PKN3: variants seen among roughly 807,000 people sequenced by gnomAD.
PKN3 encodes serine/threonine-protein kinase N3.
In PKN3, 91 loss-of-function variants were observed where a neutral mutation model predicts 113.1. The ratio of observed to expected loss-of-function variants is 0.80; its 90% CI spans 0.68 to 0.96. The LOEUF (loss-of-function observed/expected upper bound fraction) is 0.96. PKN3 is among the 40% of genes least tolerant of loss of function. The probability of loss-of-function intolerance (pLI) is 0.00; values close to 1 mark genes in which losing one functional copy is unlikely to be tolerated. For missense variants in PKN3, 1,052 were observed against 1,202.2 expected (o/e 0.88, Z 1.85); for synonymous variants, 467 against 499.0 (o/e 0.94, Z 0.85).
intron 6 of PKN3, among the ~76,000 whole-genome samples, chr9:128,708,003 G>A (rs1396584704): frequency 4.0e-5 from 6 of 151,330 alleles, no homozygotes; most frequent in African/African-American, 9.7e-5. Context: ...CCCCGGAGGC[G>A]GAGGTTGCAG....
rs750356915 is a variant in PKN3 at position 128,715,367 on chromosome 9, A to G, written c.1717-2A>G. 6.2e-7 allele frequency: 1 copy of G among 1,613,706 alleles called. No individual in the cohort carries two copies. The highest frequency in any genetic ancestry group is 2.2e-5 in the East Asian group (1 of 44,874). On this transcript the variant is annotated splice_acceptor_variant, in intron 14 of 21. Transcript: ENST00000291906. LOFTEE classifies it high-confidence loss of function. The surrounding 1 kb of genome is among the most constrained non-coding windows in gnomAD (Gnocchi z 4.1). The stretch of plus-strand genomic sequence containing the variant: ...TGGAGCACAACCTCTCTCTGGCCCC[A>G]GGTCCTCCTGGTCCAGTTCAAGGGG...
At position 128,705,658 on chromosome 9, in the gene PKN3, G is replaced by C. The variant is rs993740045; in HGVS notation, c.266-76G>C. 5.8e-6 allele frequency: 9 copies of C among 1,540,240 alleles called. No individual in the cohort carries two copies. In the Admixed American group the frequency reaches 1.4e-4, roughly 24 times the overall value. The stretch of plus-strand genomic sequence containing the variant: ...CTCATTTCCTGCCTATAGATCAGTA[G>C]GGGAAGGAGGAAAGGCCACAGTGGG... On this transcript the variant is annotated intron_variant, in intron 2 of 21. Transcript: ENST00000291906.
rs1352344578 is a variant in PKN3, at chr9:128,714,058, G to A, written c.1249G>A (p.Asp417Asn). Residue 417 changes from aspartate (D) to asparagine (N), a missense_variant, in exon 10 of 22, where the codon GAT (aspartate) becomes AAT (asparagine). Asp to Asn is a conservative substitution (Grantham distance 23). This residue lies in a region of PKN3 where 719 missense variants were observed against 759.4 expected (regional missense o/e 0.95). Transcript: ENST00000291906. ...CCTACCCCTGCAGGTGACCTTCTGC[G>A]ATCCTGTCATTGAGAGGCGGCCCCG... is the stretch of plus-strand genomic sequence containing the variant. Reference protein sequence around the residue: ...GLLFAQVTFCDPVIERRPRLQ... With the variant: ...GLLFAQVTFCNPVIERRPRLQ... The A allele has an allele frequency of 6.2e-6, 10 of 1,614,074 alleles. No individual in the cohort carries two copies. The East Asian group carries it at 8.9e-5, about 14-fold the overall frequency.
In PKN3 at chr9:128,715,422, G is replaced by A. The variant is rs771396377; in HGVS notation, c.1770G>A (p.Leu590=). The stretch of plus-strand genomic sequence containing the variant: ...GGAAATACTACGCCATCAAAGCACT[G>A]AAGAAGCAGGAGGTGCTCAGCCGGG... ...GTGKYYAIKA[L]KKQEVLSRDE... The change falls in exon 15 of 22, where the codon CTG becomes CTA. Residue 590 remains leucine (L), a synonymous_variant. Transcript: ENST00000291906. This position sits in a 1 kb window ranked among gnomAD's most constrained non-coding sequence, Gnocchi z 4.1. 7 of 1,613,984 alleles carry A rather than the reference G, an allele frequency of 4.3e-6. No individual in the cohort carries two copies. The South Asian group carries it at 7.7e-5, about 18-fold the overall frequency.
intron 1 of PKN3, chr9:128,703,648 G>A: frequency 1.0e-6 from 1 of 985,426 alleles, no homozygotes; most frequent in Non-Finnish European, 1.2e-6. Flanking sequence ...GTGGGTCCCC[G>A]CAAAGAGCGG....
chr9:128,704,873 G>A (rs1330828511), intron 1 of PKN3, among the ~76,000 whole-genome samples: 6 of 151,082 alleles, frequency 4.0e-5, no homozygotes, highest in African/African-American at 1.2e-4. Context: ...AACCGAGATC[G>A]TGCCATGGCA....
intron 1 of PKN3, among the ~76,000 whole-genome samples, chr9:128,704,838 A>T (rs1174161260): frequency 6.6e-6 from 1 of 151,878 alleles, no homozygotes; most frequent in African/African-American, 2.4e-5. Context: ...GAATCGCTTG[A>T]ACCCGGGAGG....
chr9:128,704,122 A>G, intron 1 of PKN3: 1 of 985,334 alleles, frequency 1.0e-6, no homozygotes, highest in Non-Finnish European at 1.2e-6. Context: ...AAGATGGAAC[A>G]CAGAGAGGTA....
In PKN3 at chr9:128,714,463, C is replaced by T. The variant is rs550458150; in HGVS notation, c.1481+98C>T. ...TGTCTGTCTGTCTGCATTGCTCAGC[C>T]CGCTAACCCTCTGTCCATCTCACTT... On this transcript the variant is annotated intron_variant, in intron 11 of 21. Transcript: ENST00000291906. 2.6e-5 allele frequency: 30 copies of T among 1,172,410 alleles called. No individual in the cohort carries two copies. In the Admixed American group the frequency reaches 4.8e-4, roughly 19 times the overall value. 72.6% of individuals were successfully genotyped at this position (1,172,410 alleles called of 1,614,324 possible). A position where few individuals can be genotyped will look rare whatever the true frequency, so the allele number is the denominator to read the frequency against.
At chr9:128,703,551 G>A (rs1368331755) in intron 1 of PKN3, 4 of 985,386 alleles carry the variant, frequency 4.1e-6, no homozygotes, top group Non-Finnish European at 4.8e-6. Context: ...CCGGAGGACC[G>A]AGGCCATGTC....
At chr9:128,712,517 C>T (rs757676252) in intron 6 of PKN3, among the ~76,000 whole-genome samples, 10 of 152,136 alleles carry the variant, frequency 6.6e-5, no homozygotes, top group Non-Finnish European at 1.2e-4. Context: ...CAGGTGGGTC[C>T]GGACAGGAAG....
chr9:128,719,621 T>C, intron 18 of PKN3, 65 bp from the exon 19 acceptor site: 1 of 1,471,878 alleles, frequency 6.8e-7, no homozygotes, highest in Non-Finnish European at 9.1e-7. Flanking sequence ...TCATAAGGCT[T>C]GGCTATTGAA....
chr9:128,714,013 G>C (rs374846043), intron 9 of PKN3, 33 bp from the exon 10 acceptor site: 2 of 1,610,308 alleles, frequency 1.2e-6, no homozygotes, highest in Non-Finnish European at 1.7e-6. Context: ...GATGGGAGGC[G>C]ACTGGTCCAC....
At chr9:128,717,280 C>T (rs1862372711) in intron 16 of PKN3, among the ~76,000 whole-genome samples, 2 of 150,470 alleles carry the variant, frequency 1.3e-5, no homozygotes, top group Non-Finnish European at 3.0e-5. Flanking sequence ...AGGCATGCAC[C>T]ACCACTCCTG....
chr9:128,708,030 C>T (rs896198015), intron 6 of PKN3, among the ~76,000 whole-genome samples: 2 of 148,896 alleles, frequency 1.3e-5, no homozygotes, highest in African/African-American at 2.5e-5. Context: ...GAGATCACGC[C>T]ACTGCACTCC....
At chr9:128,707,178 G>A (rs1464706265) in intron 5 of PKN3, 44 bp from the exon 6 acceptor site, 1 of 1,583,628 alleles carries the variant, frequency 6.3e-7, no homozygotes, top group Non-Finnish European at 8.6e-7. Flanking sequence ...GCTGCCCCCT[G>A]CCATATACCC....
Position 128,707,341 on chromosome 9 carries a change from G to C in PKN3, c.771G>C (p.Leu257Phe). ...HPLRSRVTRE[L>F]RAAVPGYPQP... ...TGCGCAGCAGAGTGACCCGAGAGTTGCGGGCTGCGGTGCCTGGATACCCCC... is the reference window on the plus strand; with the variant it reads ...TGCGCAGCAGAGTGACCCGAGAGTTCCGGGCTGCGGTGCCTGGATACCCCC... The change falls in exon 6 of 22, where the codon TTG becomes TTC. Residue 257 changes from leucine to phenylalanine, a missense_variant. Transcript: ENST00000291906. The C allele has an allele frequency of 6.2e-7, 1 of 1,613,784 alleles. No homozygotes were observed. Among genetic ancestry groups the C allele is most frequent in the Non-Finnish European group, 8.5e-7 (1 of 1,179,928 alleles).
chr9:128,716,598 A>G (rs79568039), intron 15 of PKN3, 149 bp from the exon 16 acceptor site: 3 of 413,826 alleles, frequency 7.2e-6, no homozygotes, highest in Admixed American at 3.9e-5. Flanking sequence ...ACTGTGTCTC[A>G]AAAAAAAAAA....
chr9:128,714,507 C>T (rs1862280400), intron 11 of PKN3, 55 bp from the exon 12 acceptor site: 1 of 980,536 alleles, frequency 1.0e-6, no homozygotes, highest in Non-Finnish European at 1.7e-6. Flanking sequence ...TGTGTCCATC[C>T]TGCCAGCTCT....
Sources: allele counts gnomAD v4.1 joint callset (sites outside exome capture counted in the v4.1 genomes callset), GRCh38; gene constraint gnomAD v4.1.1; regional missense constraint gnomAD v4.1.1; non-coding constraint Gnocchi (gnomAD v3.1); transcripts MANE v1.5; gene names NCBI Gene and HGNC (gene_info 2026-07-23, HGNC 2026-07-21).